The following SFSWAP variants were observed in gnomAD, a reference collection of about 807,000 sequenced individuals.
SFSWAP encodes splicing factor SWAP.
A neutral mutation model predicts 100.7 loss-of-function variants in SFSWAP; 17 were observed. That is an observed-to-expected ratio of 0.17 (90% CI 0.12 to 0.25). SFSWAP has a LOEUF of 0.25. Ranked by LOEUF, SFSWAP falls within the 10% of genes least tolerant of loss-of-function variation. The pLI is 1.00. For missense variants in SFSWAP, 1,005 were observed against 1,262.6 expected (o/e 0.80, Z 3.09); for synonymous variants, 504 against 510.1 (o/e 0.99, Z 0.16).
At chr12:131,741,705 C>T (rs1187618706) in intron 7 of SFSWAP, among the ~76,000 whole-genome samples, 2 of 151,712 alleles carry the variant, frequency 1.3e-5, no homozygotes, top group Non-Finnish European at 2.9e-5. Flanking sequence ...ACAGGGAGAG[C>T]GCCTGCTGGA....
chr12:131,796,941 G>T, intron 15 of SFSWAP: 1 of 458,096 alleles, frequency 2.2e-6, no homozygotes, highest in East Asian at 3.4e-5. Flanking sequence ...TAAAATGCTG[G>T]TTGCATCTTA....
chr12:131,751,072 G>T lies in SFSWAP; in HGVS notation c.1082-2051G>T, dbSNP rs114338133. On this transcript the variant is annotated intron_variant, in intron 7 of 17. Transcript: ENST00000261674. ...GCACTGCTATTTTTTTTAACACTTC[G>T]TTTTTATTTAACAAGATGGAAGGCT... 9.2e-3 allele frequency among the ~76,000 whole-genome samples: 1,395 copies of T among 152,050 alleles called. 25 individuals carry two copies. The highest frequency in any genetic ancestry group is 0.032 in the African/African-American group (1,314 of 41,458).
At chr12:131,760,526 G>A (rs1882567807) in intron 11 of SFSWAP, among the ~76,000 whole-genome samples, 1 of 152,198 alleles carries the variant, frequency 6.6e-6, no homozygotes, top group African/African-American at 2.4e-5. Flanking sequence ...TAGGAATACT[G>A]TTTTTGAGTG....
chr12:131,760,769 A>G (rs1882597324), intron 11 of SFSWAP, among the ~76,000 whole-genome samples: 2 of 152,172 alleles, frequency 1.3e-5, no homozygotes, highest in South Asian at 2.1e-4. Flanking sequence ...ACCTGTCTAC[A>G]CAGTAAAGAA....
intron 15 of SFSWAP, among the ~76,000 whole-genome samples, chr12:131,791,425 GTCCCA>G (rs1885218966): frequency 6.6e-6 from 1 of 151,904 alleles, no homozygotes; most frequent in Admixed American, 6.6e-5. Flanking sequence ...CCAAACTCCA[GTCCCA>G]GATGGCTTCA....
intron 7 of SFSWAP, among the ~76,000 whole-genome samples, chr12:131,747,895 A>G (rs1881285835): frequency 6.6e-6 from 1 of 152,226 alleles, no homozygotes; most frequent in Admixed American, 6.5e-5. Flanking sequence ...GCAGCCATCA[A>G]GTATAAATAG....
At position 131,725,506 on chromosome 12, in the gene SFSWAP, G is replaced by T. The variant is rs1460777431; in HGVS notation, c.708G>T (p.Arg236=). 2 of 1,614,124 alleles carry T rather than the reference G, an allele frequency of 1.2e-6. No homozygotes were observed. Among genetic ancestry groups the T allele is most frequent in the Admixed American group, 3.3e-5 (2 of 60,014 alleles). The part of the protein sequence containing the change: ...FEIMLKAKQA[R]NSQFDFLRFD... ...TCATGCTGAAGGCCAAGCAGGCCCG[G>T]AACTCCCAGTTTGACTTTCTGCGCT... is the stretch of plus-strand genomic sequence containing the variant. The change falls in exon 5 of 18, where the codon CGG becomes CGT. Residue 236 remains arginine (R), a synonymous_variant. Coordinates refer to ENST00000261674, the MANE Select transcript of SFSWAP (RefSeq NM_004592.4). This position sits in a 1 kb window ranked among gnomAD's most constrained non-coding sequence, Gnocchi z 4.3.
Position 131,725,739 on chromosome 12 carries a change from G to A in SFSWAP, c.832+109G>A, listed in dbSNP as rs1044149948. 1 of 795,406 alleles carries A rather than the reference G, an allele frequency of 1.3e-6. No homozygotes were observed. Among genetic ancestry groups the A allele is most frequent in the Non-Finnish European group, 2.1e-6 (1 of 477,782 alleles). The allele number at this position is 795,406 out of a possible 1,614,324, so 49.3% of individuals were successfully genotyped here. A position where few individuals can be genotyped will look rare whatever the true frequency, so the allele number is the denominator to read the frequency against. ...AAGATACACATTCTTACAGATGCAT[G>A]GTTGAAAGCCAGACTCGAATTTCTA... On this transcript the variant is annotated intron_variant, in intron 5 of 17. Coordinates refer to ENST00000261674, the MANE Select transcript of SFSWAP (RefSeq NM_004592.4). The surrounding 1 kb of genome is among the most constrained non-coding windows in gnomAD (Gnocchi z 4.3).
chr12:131,788,745 T>C (rs1593192050), intron 15 of SFSWAP, among the ~76,000 whole-genome samples: 2 of 152,134 alleles, frequency 1.3e-5, no homozygotes, highest in South Asian at 4.1e-4. Flanking sequence ...CCTCCAAAAG[T>C]ACTGGGATTG....
chr12:131,763,221 A>G (rs960005841), intron 11 of SFSWAP, among the ~76,000 whole-genome samples: 16 of 152,338 alleles, frequency 1.1e-4, no homozygotes, highest in African/African-American at 3.8e-4. Context: ...CCAGCCAGGT[A>G]GCCCACCCTG....
chr12:131,780,543 G>A (rs1267546112), intron 14 of SFSWAP, among the ~76,000 whole-genome samples: 1 of 152,116 alleles, frequency 6.6e-6, no homozygotes, highest in Non-Finnish European at 1.5e-5. Context: ...GAACTCCTGA[G>A]CTCAAGCGTA....
At position 131,799,520 on chromosome 12, in the gene SFSWAP, T is replaced by C. The variant is rs748052100; in HGVS notation, c.*32T>C. ...GCCAGCGGAGGCAGAGCCGGGAGGC[T>C]GCGTGGGCTTCTGGGCAGGCTCACG... On this transcript the variant is annotated 3_prime_UTR_variant, in exon 18 of 18. Coordinates refer to ENST00000261674, the MANE Select transcript of SFSWAP (RefSeq NM_004592.4). 130 of 1,605,310 alleles carry C rather than the reference T, an allele frequency of 8.1e-5. No individual in the cohort carries two copies. Among genetic ancestry groups the C allele is most frequent in the Middle Eastern group, 3.3e-4 (2 of 6,036 alleles).
chr12:131,755,525 T>C, intron 10 of SFSWAP, 46 bp downstream of exon 10: 1 of 1,375,776 alleles, frequency 7.3e-7, no homozygotes, highest in South Asian at 1.2e-5. Context: ...TAGAGGTGGC[T>C]CCGCCTTCCA....
chr12:131,746,267 G>A (rs557505609), intron 7 of SFSWAP, among the ~76,000 whole-genome samples: 2 of 152,366 alleles, frequency 1.3e-5, no homozygotes, highest in East Asian at 3.9e-4. Flanking sequence ...TCACCCTTGA[G>A]AGGTGGTTCT....
Position 131,734,202 on chromosome 12 carries a change from A to C in SFSWAP, c.1081+5774A>C, listed in dbSNP as rs1202882643. Reference sequence around the variant, plus strand: ...TCGCTGGCTCCTGCCGCCCTCGAGGACTTGAAGGCTGACGTTGGGCTGGGT... The same window carrying C: ...TCGCTGGCTCCTGCCGCCCTCGAGGCCTTGAAGGCTGACGTTGGGCTGGGT... On this transcript the variant is annotated intron_variant, in intron 7 of 17. Coordinates refer to ENST00000261674, the MANE Select transcript of SFSWAP (RefSeq NM_004592.4). The surrounding 1 kb of genome is among the most constrained non-coding windows in gnomAD (Gnocchi z 4.9). Among the ~76,000 whole-genome samples the C allele has an allele frequency of 1.3e-5, 2 of 152,214 alleles. No homozygotes were observed. The highest frequency in any genetic ancestry group is 4.8e-5 in the African/African-American group (2 of 41,452).
intron 6 of SFSWAP, 136 bp downstream of exon 6, chr12:131,727,188 A>T: frequency 1.6e-6 from 1 of 637,604 alleles, no homozygotes. Context: ...GTGTATTTGC[A>T]TTTTTGTTTT....
chr12:131,733,811 C>T lies in SFSWAP; in HGVS notation c.1081+5383C>T, dbSNP rs774680455. On this transcript the variant is annotated intron_variant, in intron 7 of 17. Transcript: ENST00000261674. This position sits in a 1 kb window ranked among gnomAD's most constrained non-coding sequence, Gnocchi z 5.1. ...TGTGTGTTCAGGCTTGTCTTCCTGC[C>T]GCAGCGCAGCAGCCCTCCCATGCCT... Among the ~76,000 whole-genome samples, 23 of 152,078 alleles carry T rather than the reference C, an allele frequency of 1.5e-4. No homozygotes were observed. The highest frequency in any genetic ancestry group is 2.1e-4 in the South Asian group (1 of 4,824).
intron 7 of SFSWAP, among the ~76,000 whole-genome samples, chr12:131,749,547 A>G (rs190053282): frequency 8.5e-5 from 13 of 152,338 alleles, no homozygotes; most frequent in African/African-American, 2.6e-4. Context: ...CCTGTGTCCT[A>G]TAGTTGGTAG....
intron 14 of SFSWAP, chr12:131,784,035 A>C (rs1451724981): frequency 1.3e-5 from 2 of 151,942 alleles, no homozygotes; most frequent in Non-Finnish European, 2.9e-5. Context: ...TCATCTCCTA[A>C]TCCTGCCCCT....
Sources: gnomAD v4.1 joint callset for allele counts (sites outside exome capture counted in the v4.1 genomes callset) on GRCh38, gnomAD v4.1.1 for gene constraint, Gnocchi (gnomAD v3.1) non-coding constraint, MANE v1.5 for transcripts, NCBI Gene and HGNC (gene_info 2026-07-23, HGNC 2026-07-21) for gene names.